Variants in ETV5 observed in about 807,000 individuals in gnomAD.
ETV5 encodes the protein ETS translocation variant 5.
Under a neutral mutation model 70.0 loss-of-function variants are expected in ETV5, and 10 were observed. The observed-to-expected ratio is 0.14, with a 90% confidence interval of 0.09 to 0.24. The LOEUF is 0.24. ETV5 is among the 10% of genes least tolerant of loss of function. The probability of loss-of-function intolerance (pLI) is 1.00; values close to 1 mark genes in which losing one functional copy is unlikely to be tolerated. For missense variants in ETV5, 453 were observed against 651.2 expected, an observed-to-expected ratio of 0.70 and a Z score of 3.31; for synonymous variants, 216 against 242.2, an observed-to-expected ratio of 0.89 and a Z score of 1.01.
intron 1 of ETV5, chr3:186,108,374 T>G: frequency 1.6e-6 from 1 of 609,878 alleles, no homozygotes; most frequent in Non-Finnish European, 2.7e-6. Flanking sequence ...GCAGGGCGAC[T>G]GGATGTCCAC....
intron 7 of ETV5, among the ~76,000 whole-genome samples, chr3:186,070,245 A>G (rs1351735775): frequency 1.3e-5 from 2 of 152,218 alleles, no homozygotes; most frequent in Admixed American, 1.3e-4. Context: ...GGTGACCTCC[A>G]GAAATCAGTT....
intron 11 of ETV5, among the ~76,000 whole-genome samples, chr3:186,055,492 C>G (rs1409500696): frequency 6.6e-6 from 1 of 152,206 alleles, no homozygotes; most frequent in East Asian, 1.9e-4. Context: ...CAGTGGCACT[C>G]AACTCCAGCT....
At position 186,066,158 on chromosome 3, in the gene ETV5, T is replaced by G. The variant is rs1713437914; in HGVS notation, c.651-86A>C. On this transcript the variant is annotated intron_variant, in intron 7 of 12. Transcript: ENST00000306376. Reference sequence around the variant, plus strand: ...AGCACTGGGGACTAGAAGTTCCAATTAATGAAATTATTTGCAAAGTACTTA... The same window carrying G: ...AGCACTGGGGACTAGAAGTTCCAATGAATGAAATTATTTGCAAAGTACTTA... 2.3e-5 allele frequency: 29 copies of G among 1,261,966 alleles called. No homozygotes were observed. The South Asian group carries it at 5.0e-4, about 22-fold the overall frequency. The allele number at this position is 1,261,966 out of a possible 1,614,324, so 78.2% of individuals were successfully genotyped here.
intron 9 of ETV5, among the ~76,000 whole-genome samples, chr3:186,059,404 C>A (rs1713251724): frequency 6.6e-6 from 1 of 152,174 alleles, no homozygotes; most frequent in Non-Finnish European, 1.5e-5. Flanking sequence ...TGCATCTCAA[C>A]TGGGGGCGAC....
Position 186,047,908 on chromosome 3 carries a change from A to C in ETV5, c.*731T>G, listed in dbSNP as rs1257872284. 2 of 233,536 alleles carry C rather than the reference A, an allele frequency of 8.6e-6. No individual in the cohort carries two copies. The highest frequency in any genetic ancestry group is 1.7e-5 in the Non-Finnish European group (2 of 118,032). 14.5% of individuals were successfully genotyped at this position (233,536 alleles called of 1,614,324 possible). A position where few individuals can be genotyped will look rare whatever the true frequency, so the allele number is the denominator to read the frequency against. On this transcript the variant is annotated 3_prime_UTR_variant, in exon 13 of 13. Transcript: ENST00000306376. The stretch of plus-strand genomic sequence containing the variant: ...ATCCCCCAAATCAGGGCAAAACAAA[A>C]TACTGTCAAAAGTGTTAATCGCCCT...
chr3:186,069,160 T>A (rs1713532306), intron 7 of ETV5, among the ~76,000 whole-genome samples: 1 of 152,324 alleles, frequency 6.6e-6, no homozygotes, highest in Admixed American at 6.5e-5. Context: ...ATATACTGCC[T>A]TTACTACTCT....
chr3:186,068,575 C>A (rs1170800330), intron 7 of ETV5, among the ~76,000 whole-genome samples: 1 of 152,188 alleles, frequency 6.6e-6, no homozygotes, highest in Non-Finnish European at 1.5e-5. Context: ...TGCCAGCTGC[C>A]CTTTCCCTGT....
rs1712953353 is a variant in ETV5 at position 186,048,968 on chromosome 3, C to T, written c.1312-108G>A. The T allele has an allele frequency of 8.3e-6, 7 of 844,174 alleles. No homozygotes were observed. The East Asian group carries it at 1.1e-4, about 13-fold the overall frequency. 52.3% of individuals were successfully genotyped at this position (844,174 alleles called of 1,614,324 possible). ...CAAAGCCAGGGACCAAAGGAGCAGC[C>T]GATTACCCCAATCACTCAGACTTAT... On this transcript the variant is annotated intron_variant, in intron 12 of 12. Coordinates refer to ENST00000306376, the MANE Select transcript of ETV5 (RefSeq NM_004454.3).
chr3:186,065,610 C>A (rs1019534199), intron 8 of ETV5, among the ~76,000 whole-genome samples: 1 of 152,188 alleles, frequency 6.6e-6, no homozygotes, highest in African/African-American at 2.4e-5. Flanking sequence ...ACTTACATAG[C>A]TTTTCTGTTT....
At chr3:186,094,410 A>G (rs1384982710) in intron 5 of ETV5, among the ~76,000 whole-genome samples, 1 of 152,184 alleles carries the variant, frequency 6.6e-6, no homozygotes, top group Non-Finnish European at 1.5e-5. Context: ...TCAAATAAGG[A>G]AGAAAACTGA....
At chr3:186,050,553 G>A (rs1365023093) in intron 12 of ETV5, among the ~76,000 whole-genome samples, 1 of 152,148 alleles carries the variant, frequency 6.6e-6, no homozygotes, top group Admixed American at 6.5e-5. Flanking sequence ...TTTTTGGGGT[G>A]ATAAAATGTT....
At position 186,050,855 on chromosome 3, in the gene ETV5, A is replaced by G. The variant is rs927167357; in HGVS notation, c.1311+1175T>C. On this transcript the variant is annotated intron_variant, in intron 12 of 12. Coordinates refer to ENST00000306376, the MANE Select transcript of ETV5 (RefSeq NM_004454.3). ...CCAATCTGAAATGGAAAGGTGACAG[A>G]AAACAAGGAGGGGCTGGCCAGGTAC... is the stretch of plus-strand genomic sequence containing the variant. Among the ~76,000 whole-genome samples, 44 of 152,346 alleles carry G rather than the reference A, an allele frequency of 2.9e-4. 1 individual carries two copies. Among genetic ancestry groups the G allele is most frequent in the African/African-American group, 1.0e-3 (42 of 41,584 alleles).
rs1712903175 is a variant in ETV5, at chr3:186,047,298, A to G, written c.*1341T>C. 4.3e-6 allele frequency: 1 copy of G among 230,230 alleles called. No individual in the cohort carries two copies. Among genetic ancestry groups the G allele is most frequent in the East Asian group, 6.2e-5 (1 of 16,050 alleles). The allele number at this position is 230,230 out of a possible 1,614,324, so 14.3% of individuals were successfully genotyped here. Reference sequence around the variant, plus strand: ...TTTTAAAAAAAGGCAGGAATCTAGAATGCTAGCACTGTTGCTTACCTGTCA... The same window carrying G: ...TTTTAAAAAAAGGCAGGAATCTAGAGTGCTAGCACTGTTGCTTACCTGTCA... On this transcript the variant is annotated 3_prime_UTR_variant, in exon 13 of 13. Transcript: ENST00000306376.
intron 5 of ETV5, among the ~76,000 whole-genome samples, chr3:186,082,450 C>T (rs1253296866): frequency 4.2e-5 from 6 of 142,018 alleles, no homozygotes; most frequent in East Asian, 2.0e-4. Flanking sequence ...TTTTTTGAGA[C>T]GGAGTCTTAC....
chr3:186,051,906 C>T (rs574174932), intron 12 of ETV5, 124 bp downstream of exon 12: 1 of 815,676 alleles, frequency 1.2e-6, no homozygotes, highest in South Asian at 1.6e-5. Context: ...TTGTTTCCTA[C>T]CACAGAATCA....
rs141880977 is a variant in ETV5, at chr3:186,053,249, C to T, written c.1210-1118G>A. On this transcript the variant is annotated intron_variant, in intron 11 of 12. Coordinates refer to ENST00000306376, the MANE Select transcript of ETV5 (RefSeq NM_004454.3). ...CCTGAGCAGCTGGGATTACAGGTGT[C>T]CATTGTCATGCCCAACTAATTTTTG... Among the ~76,000 whole-genome samples the T allele has an allele frequency of 7.9e-5, 12 of 152,164 alleles. No homozygotes were observed. The East Asian group carries it at 2.3e-3, about 29-fold the overall frequency.
chr3:186,079,112 C>A, intron 7 of ETV5: 1 of 1,062,122 alleles, frequency 9.4e-7, no homozygotes, highest in African/African-American at 1.6e-5. Flanking sequence ...TAAAGACAGG[C>A]CCCCAGCACA....
intron 1 of ETV5, chr3:186,107,001 A>G (rs930021282): frequency 1.9e-5 from 18 of 969,188 alleles, no homozygotes; most frequent in Non-Finnish European, 2.0e-5. Flanking sequence ...TTTGACATAT[A>G]CACAATTTTA....
At position 186,052,253 on chromosome 3, in the gene ETV5, C is replaced by T. The variant is rs1713050260; in HGVS notation, c.1210-122G>A. On this transcript the variant is annotated intron_variant, in intron 11 of 12. Coordinates refer to ENST00000306376, the MANE Select transcript of ETV5 (RefSeq NM_004454.3). The surrounding 1 kb of genome is among the most constrained non-coding windows in gnomAD (Gnocchi z 4.5). The stretch of plus-strand genomic sequence containing the variant: ...TTTGGTCAATGATCTGCTACTCTGA[C>T]CTGGAAGGGAAGGCATTTAACTCCC... 1 of 834,422 alleles carries T rather than the reference C, an allele frequency of 1.2e-6. No homozygotes were observed. Among genetic ancestry groups the T allele is most frequent in the Middle Eastern group, 2.3e-4 (1 of 4,324 alleles). 51.7% of individuals were successfully genotyped at this position (834,422 alleles called of 1,614,324 possible). A position where few individuals can be genotyped will look rare whatever the true frequency, so the allele number is the denominator to read the frequency against.
Sources: gnomAD v4.1 joint callset for allele counts (sites outside exome capture counted in the v4.1 genomes callset) on GRCh38, gnomAD v4.1.1 for gene constraint, Gnocchi (gnomAD v3.1) non-coding constraint, MANE v1.5 for transcripts, NCBI Gene and HGNC (gene_info 2026-07-23, HGNC 2026-07-21) for gene names.